RIN2: variants seen among roughly 807,000 people sequenced by gnomAD.
The protein encoded by RIN2 is RAB5 interacting protein 2.
In RIN2, 36 loss-of-function variants were observed where a neutral mutation model predicts 78.0. The ratio of observed to expected loss-of-function variants is 0.46; its 90% CI spans 0.35 to 0.61. RIN2 has a LOEUF of 0.61. Among genes scored for constraint, RIN2 ranks in the 20% least tolerant of loss-of-function variants. The pLI, the probability that RIN2 is intolerant of heterozygous loss-of-function variation, is 0.00. For synonymous variants in RIN2, 466 were observed against 466.8 expected (o/e 1.00, Z 0.02); for missense variants, 1,087 against 1,159.7 (o/e 0.94, Z 0.91).
At chr20:19,864,188 T>G (rs528734603) in intron 2 of RIN2, among the ~76,000 whole-genome samples, 1 of 152,276 alleles carries the variant, frequency 6.6e-6, no homozygotes, top group African/African-American at 2.4e-5. Context: ...AAGTTACTAT[T>G]GACAGTACCC....
At chr20:19,864,178 A>C (rs1300047023) in intron 2 of RIN2, among the ~76,000 whole-genome samples, 1 of 152,034 alleles carries the variant, frequency 6.6e-6, no homozygotes, top group Non-Finnish European at 1.5e-5. Flanking sequence ...GAGGCGGGAG[A>C]AGTTACTATT....
chr20:19,926,504 C>G (rs1211061556), intron 3 of RIN2, among the ~76,000 whole-genome samples: 1 of 151,912 alleles, frequency 6.6e-6, no homozygotes, highest in Non-Finnish European at 1.5e-5. Flanking sequence ...ATTTTCCAGA[C>G]TAGTTTAGAA....
At position 20,001,125 on chromosome 20, in the gene RIN2, C is replaced by T. The variant is rs949303402; in HGVS notation, c.*189C>T. 1.7e-5 allele frequency: 10 copies of T among 573,008 alleles called. No individual in the cohort carries two copies. Among genetic ancestry groups the T allele is most frequent in the Non-Finnish European group, 3.1e-5 (10 of 323,542 alleles). The allele number at this position is 573,008 out of a possible 1,614,324, so 35.5% of individuals were successfully genotyped here. A position where few individuals can be genotyped will look rare whatever the true frequency, so the allele number is the denominator to read the frequency against. ...CGCAAGGTAGCTGAGGTTTGTGAAA[C>T]AGTAGGATTCTCTTTTGGCAATGGA... On this transcript the variant is annotated 3_prime_UTR_variant, in exon 13 of 13. Transcript: ENST00000255006.
intron 3 of RIN2, among the ~76,000 whole-genome samples, chr20:19,929,726 G>A (rs571489863): frequency 6.6e-6 from 1 of 152,210 alleles, no homozygotes; most frequent in South Asian, 2.1e-4. Context: ...CTCCTTTGTT[G>A]GGTGACAAGT....
intron 2 of RIN2, among the ~76,000 whole-genome samples, chr20:19,857,109 C>T (rs1166805563): frequency 6.6e-6 from 1 of 152,188 alleles, no homozygotes; most frequent in Non-Finnish European, 1.5e-5. Context: ...CGGATGGTTT[C>T]CTGTCCCTTT....
At position 19,903,633 on chromosome 20, in the gene RIN2, A is replaced by G. The variant is rs79931883; in HGVS notation, c.57+13975A>G. 7.7e-3 allele frequency among the ~76,000 whole-genome samples: 1,175 copies of G among 152,284 alleles called. 15 individuals are homozygous for G. The highest frequency in any genetic ancestry group is 0.027 in the African/African-American group (1,130 of 41,568). ...TACTGGTCTCTAGTAGGCAGACGCC[A>G]GAGATGCTGCCAAACTTCCTCCAAT... On this transcript the variant is annotated intron_variant, in intron 3 of 12. Coordinates refer to ENST00000255006, the MANE Select transcript of RIN2 (RefSeq NM_018993.4).
intron 2 of RIN2, among the ~76,000 whole-genome samples, chr20:19,862,517 C>T (rs112827434): frequency 0.14 from 21,971 of 152,094 alleles, 1,530 homozygotes; most frequent in Middle Eastern, 0.17. Flanking sequence ...CGCTTAAACT[C>T]GGGAGGCAGA....
At chr20:19,833,218 T>C (rs1433414246) in intron 2 of RIN2, among the ~76,000 whole-genome samples, 2 of 152,068 alleles carry the variant, frequency 1.3e-5, no homozygotes, top group Admixed American at 6.6e-5. Context: ...TCTCCTGATA[T>C]GCTGGTCTTG....
intron 2 of RIN2, among the ~76,000 whole-genome samples, chr20:19,888,970 T>A (rs1295062750): frequency 6.6e-6 from 1 of 152,244 alleles, no homozygotes; most frequent in Non-Finnish European, 1.5e-5. Flanking sequence ...TTGTGGATGA[T>A]CGTGAAGCTG....
intron 3 of RIN2, among the ~76,000 whole-genome samples, chr20:19,907,185 C>A (rs1036311421): frequency 1.3e-5 from 2 of 152,194 alleles, no homozygotes; most frequent in African/African-American, 4.8e-5. Flanking sequence ...CAGGAACCCA[C>A]TCCTGTGATA....
chr20:19,816,313 A>G (rs1481053876), intron 2 of RIN2, among the ~76,000 whole-genome samples: 1 of 152,144 alleles, frequency 6.6e-6, no homozygotes, highest in Non-Finnish European at 1.5e-5. Flanking sequence ...GTGATCACCT[A>G]TTCTAAGGGT....
At chr20:19,834,636 T>C (rs1052075635) in intron 2 of RIN2, among the ~76,000 whole-genome samples, 13 of 152,256 alleles carry the variant, frequency 8.5e-5, no homozygotes, top group Non-Finnish European at 1.6e-4. Context: ...TCAGATTTCA[T>C]AAATATGCAA....
chr20:19,904,231 C>CAA (rs200273051), intron 3 of RIN2, among the ~76,000 whole-genome samples: 17 of 121,100 alleles, frequency 1.4e-4, no homozygotes, highest in African/African-American at 4.2e-4. Flanking sequence ...GACTTCGTCT[C>CAA]AAAAAAAAAA....
At chr20:19,843,547 C>A (rs1352333821) in intron 2 of RIN2, among the ~76,000 whole-genome samples, 1 of 152,156 alleles carries the variant, frequency 6.6e-6, no homozygotes, top group African/African-American at 2.4e-5. Flanking sequence ...TTTTTACATA[C>A]ACAAATTGTT....
chr20:19,812,248 G>A (rs775836193), intron 2 of RIN2, among the ~76,000 whole-genome samples: 1 of 151,904 alleles, frequency 6.6e-6, no homozygotes, highest in African/African-American at 2.4e-5. Flanking sequence ...GGAATTTCTG[G>A]GTGATGTGTT....
intron 8 of RIN2, among the ~76,000 whole-genome samples, chr20:19,972,801 T>A (rs2042149105): frequency 6.6e-6 from 1 of 152,230 alleles, no homozygotes; most frequent in Non-Finnish European, 1.5e-5. Flanking sequence ...GAGGTGGAAG[T>A]AATTTCTCCA....
At chr20:19,984,956 C>T (rs895091836) in intron 9 of RIN2, among the ~76,000 whole-genome samples, 1 of 152,192 alleles carries the variant, frequency 6.6e-6, no homozygotes, top group Non-Finnish European at 1.5e-5. Context: ...GTTCAGACTG[C>T]TGGCTCTGTC....
At chr20:19,820,439 T>A (rs1025247494) in intron 2 of RIN2, among the ~76,000 whole-genome samples, 1 of 152,100 alleles carries the variant, frequency 6.6e-6, no homozygotes, top group Admixed American at 6.5e-5. Context: ...TTAAACCCCC[T>A]CAAAACACAG....
intron 2 of RIN2, among the ~76,000 whole-genome samples, chr20:19,882,453 A>T (rs983000731): frequency 6.6e-6 from 1 of 152,224 alleles, no homozygotes; most frequent in Non-Finnish European, 1.5e-5. Context: ...AAGCTGCCAG[A>T]TTACAACCTC....
Sources: allele counts gnomAD v4.1 joint callset (sites outside exome capture counted in the v4.1 genomes callset), GRCh38; gene constraint gnomAD v4.1.1; transcripts MANE v1.5; gene names NCBI Gene and HGNC (gene_info 2026-07-23, HGNC 2026-07-21).